Variants in MAGI1 observed in about 807,000 individuals in gnomAD.
MAGI1 encodes the protein membrane-associated guanylate kinase, WW and PDZ domain-containing protein 1.
In MAGI1, 58 loss-of-function variants were observed where a neutral mutation model predicts 139.9. The ratio of observed to expected loss-of-function variants is 0.41; its 90% confidence interval spans 0.34 to 0.52. The LOEUF (loss-of-function observed/expected upper bound fraction) is 0.52. Ranked by LOEUF, MAGI1 falls within the 20% of genes least tolerant of loss-of-function variation. MAGI1 has a pLI of 0.12. For synonymous variants in MAGI1, 812 were observed against 737.9 expected (o/e 1.10, Z -1.63); for missense variants, 1,874 against 1,901.6 (o/e 0.99, Z 0.27).
At chr3:65,694,411 T>C (rs1320135040) in intron 1 of MAGI1, among the ~76,000 whole-genome samples, 2 of 151,590 alleles carry the variant, frequency 1.3e-5, no homozygotes, top group South Asian at 2.1e-4. Flanking sequence ...CATAATGTGC[T>C]TTGGAATATG....
At chr3:65,882,515 G>A (rs756972935) in intron 1 of MAGI1, among the ~76,000 whole-genome samples, 15 of 152,038 alleles carry the variant, frequency 9.9e-5, no homozygotes, top group Non-Finnish European at 1.8e-4. Context: ...AGGGAACCTC[G>A]GTTGACCATC....
chr3:65,854,971 A>T (rs991250368), intron 1 of MAGI1, among the ~76,000 whole-genome samples: 1 of 152,232 alleles, frequency 6.6e-6, no homozygotes, highest in African/African-American at 2.4e-5. Flanking sequence ...AGGTAATATA[A>T]ATAACTACGT....
intron 1 of MAGI1, among the ~76,000 whole-genome samples, chr3:65,720,904 C>G (rs529791390): frequency 7.9e-5 from 12 of 152,024 alleles, no homozygotes; most frequent in African/African-American, 2.9e-4. Flanking sequence ...TGCACAACAC[C>G]ACGCCTGGCT....
intron 2 of MAGI1, among the ~76,000 whole-genome samples, chr3:65,537,449 G>C (rs982613292): frequency 2.0e-5 from 3 of 152,050 alleles, no homozygotes; most frequent in African/African-American, 7.2e-5. Flanking sequence ...TTGGCTCACT[G>C]TTATTTATTC....
intron 1 of MAGI1, among the ~76,000 whole-genome samples, chr3:65,975,089 A>G (rs2065199431): frequency 5.8e-5 from 1 of 17,390 alleles, no homozygotes. Context: ...GGAAATAGCT[A>G]TTTAAAAAAA....
chr3:65,910,515 C>T (rs961210442), intron 1 of MAGI1, among the ~76,000 whole-genome samples: 3 of 152,100 alleles, frequency 2.0e-5, no homozygotes, highest in South Asian at 2.1e-4. Context: ...ACATACTAAT[C>T]GAAGTGGTTG....
At chr3:65,990,204 C>A (rs376950373) in intron 1 of MAGI1, among the ~76,000 whole-genome samples, 5 of 152,006 alleles carry the variant, frequency 3.3e-5, no homozygotes, top group Non-Finnish European at 7.4e-5. Flanking sequence ...CAAGTCACCA[C>A]GGCAAGGTGC....
intron 2 of MAGI1, among the ~76,000 whole-genome samples, chr3:65,573,980 G>A (rs1471806763): frequency 2.6e-5 from 4 of 151,778 alleles, no homozygotes; most frequent in African/African-American, 7.3e-5. Flanking sequence ...ACACACACAA[G>A]CTTAAATTAT....
intron 1 of MAGI1, among the ~76,000 whole-genome samples, chr3:66,016,149 G>T (rs994221675): frequency 6.6e-6 from 1 of 152,146 alleles, no homozygotes; most frequent in Non-Finnish European, 1.5e-5. Context: ...AGAATCAAGT[G>T]ATCAGATTCA....
At chr3:65,785,990 G>A (rs1276425882) in intron 1 of MAGI1, among the ~76,000 whole-genome samples, 1 of 150,538 alleles carries the variant, frequency 6.6e-6, no homozygotes, top group African/African-American at 2.5e-5. Context: ...AGGCTGGAGT[G>A]CAGTGGTGCA....
At chr3:65,877,141 G>C (rs1035943114) in intron 1 of MAGI1, among the ~76,000 whole-genome samples, 6 of 152,142 alleles carry the variant, frequency 3.9e-5, no homozygotes, top group Admixed American at 3.9e-4. Context: ...CCAAATTCCA[G>C]GCTGTGATCA....
At chr3:65,921,631 C>CTTTA (rs2062192612) in intron 1 of MAGI1, among the ~76,000 whole-genome samples, 1 of 152,018 alleles carries the variant, frequency 6.6e-6, no homozygotes, top group African/African-American at 2.4e-5. Flanking sequence ...TTCTTAAGAT[C>CTTTA]TTTACCACCA....
Position 65,478,645 on chromosome 3 carries a change from T to A in MAGI1, c.704A>T (p.His235Leu), listed in dbSNP as rs1212079524. The change falls in exon 4 of 23, where the codon CAC (histidine) becomes CTC (leucine). Residue 235 changes from histidine (H) to leucine (L), a missense_variant. His to Leu is a moderately conservative substitution (Grantham distance 99). Coordinates refer to ENST00000402939, the MANE Select transcript of MAGI1 (RefSeq NM_001033057.2). ...GTCATCCTCCTCCTCATTCTCCGCG[T>A]GGACTATGCCAGCATTTTGCATATC... ...YNDMQNAGIV[H>L]AENEEEDDVP... is the part of the protein sequence containing the mutation. 7 of 1,614,082 alleles carry A rather than the reference T, an allele frequency of 4.3e-6. No homozygotes were observed. In the South Asian group the frequency reaches 4.4e-5, roughly 10 times the overall value.
chr3:65,678,666 G>C (rs2087359287), intron 1 of MAGI1, among the ~76,000 whole-genome samples: 1 of 152,158 alleles, frequency 6.6e-6, no homozygotes, highest in Non-Finnish European at 1.5e-5. Context: ...GCCTCACTGA[G>C]AGCAGGAAGC....
intron 1 of MAGI1, among the ~76,000 whole-genome samples, chr3:65,809,433 A>C (rs2041080922): frequency 6.6e-6 from 1 of 152,240 alleles, no homozygotes; most frequent in African/African-American, 2.4e-5. Flanking sequence ...AAGTTCCTAT[A>C]GAAATAATAC....
intron 1 of MAGI1, among the ~76,000 whole-genome samples, chr3:65,835,326 C>T (rs1488672991): frequency 1.3e-5 from 2 of 152,108 alleles, no homozygotes; most frequent in African/African-American, 4.8e-5. Context: ...CAAGAAACTA[C>T]AGTTATATGA....
chr3:65,983,762 C>T (rs1560080963), intron 1 of MAGI1, among the ~76,000 whole-genome samples: 1 of 152,138 alleles, frequency 6.6e-6, no homozygotes, highest in Admixed American at 6.6e-5. Flanking sequence ...TGGCCGCTTC[C>T]AGGGTGGGTA....
In MAGI1 at chr3:65,830,433, C is replaced by T. The variant is rs2042461082; in HGVS notation, c.313+207563G>A. Among the ~76,000 whole-genome samples the T allele has an allele frequency of 2.6e-5, 4 of 152,056 alleles. No individual in the cohort carries two copies. The South Asian group carries it at 8.3e-4, about 32-fold the overall frequency. On this transcript the variant is annotated intron_variant, in intron 1 of 22. Coordinates refer to ENST00000402939, the MANE Select transcript of MAGI1 (RefSeq NM_001033057.2). ...ATAATTTAGTTTATCACCAACCAAC[C>T]AATGATTGGTTCAACCACGGCTCCA...
chr3:65,779,140 C>T (rs1230943315), intron 1 of MAGI1, among the ~76,000 whole-genome samples: 1 of 152,204 alleles, frequency 6.6e-6, no homozygotes, highest in African/African-American at 2.4e-5. Context: ...TAGTCATGCT[C>T]TAGAATTCCA....
Sources: allele counts gnomAD v4.1 joint callset (sites outside exome capture counted in the v4.1 genomes callset), GRCh38; gene constraint gnomAD v4.1.1; transcripts MANE v1.5; gene names NCBI Gene and HGNC (gene_info 2026-07-23, HGNC 2026-07-21).